The following SASH1 variants were observed in gnomAD, a reference collection of about 807,000 sequenced individuals.
The protein encoded by SASH1 is SAM and SH3 domain-containing protein 1.
In SASH1, 44 loss-of-function variants were observed where a neutral mutation model predicts 125.2. The ratio of observed to expected loss-of-function variants is 0.35; its 90% CI spans 0.28 to 0.45. The LOEUF (loss-of-function observed/expected upper bound fraction) is 0.45. SASH1 is among the 20% of genes least tolerant of loss of function. SASH1 has a pLI of 1.00. For missense variants in SASH1, 1,426 were observed against 1,614.5 expected (o/e 0.88, Z 2.00); for synonymous variants, 639 against 649.1 (o/e 0.98, Z 0.24).
intron 8 of SASH1, chr6:148,512,544 C>T (rs1780207852): frequency 1.0e-6 from 1 of 985,144 alleles, no homozygotes; most frequent in African/African-American, 1.7e-5. Flanking sequence ...ACCATTTCAT[C>T]ACATGTCAAC....
intron 10 of SASH1, among the ~76,000 whole-genome samples, chr6:148,523,196 T>G (rs942276658): frequency 6.6e-6 from 1 of 152,224 alleles, no homozygotes; most frequent in Non-Finnish European, 1.5e-5. Context: ...TGCTGTGGTT[T>G]AAAGCAGGGA....
At chr6:148,362,020 T>C (rs965638182) in intron 1 of SASH1, among the ~76,000 whole-genome samples, 1 of 150,148 alleles carries the variant, frequency 6.7e-6, no homozygotes, top group Admixed American at 6.6e-5. Context: ...TTCATGCCAT[T>C]CTCCTGCCTC....
At chr6:148,518,815 C>T (rs1780622599) in intron 9 of SASH1, among the ~76,000 whole-genome samples, 1 of 152,212 alleles carries the variant, frequency 6.6e-6, no homozygotes, top group Admixed American at 6.5e-5. Context: ...CACCTGGCTC[C>T]AGTGAGGGCT....
chr6:148,253,177 CA>C, the SASH1 span, among the ~76,000 whole-genome samples: 3 of 152,156 alleles, frequency 2.0e-5, no homozygotes, highest in African/African-American at 7.2e-5. Flanking sequence ...TTTCTTATTT[CA>C]AAACTTACTA....
intron 1 of SASH1, among the ~76,000 whole-genome samples, chr6:148,382,148 G>A (rs1377702909): frequency 6.6e-6 from 1 of 152,124 alleles, no homozygotes; most frequent in Non-Finnish European, 1.5e-5. Context: ...CTGAAGGTTG[G>A]TGTAGGATGC....
At chr6:148,249,597 C>T in the SASH1 span, among the ~76,000 whole-genome samples, 3 of 152,306 alleles carry the variant, frequency 2.0e-5, no homozygotes, top group African/African-American at 4.8e-5. Flanking sequence ...TACCTCCCTA[C>T]GCCTCAGTTA....
intron 1 of SASH1, among the ~76,000 whole-genome samples, chr6:148,312,334 T>C: frequency 6.6e-6 from 1 of 152,304 alleles, no homozygotes; most frequent in African/African-American, 2.4e-5. Context: ...CTCTAGATAG[T>C]ACTTAGTCAT....
chr6:148,342,568 G>C (rs1278342664), upstream of SASH1: 2 of 152,174 alleles, frequency 1.3e-5, no homozygotes, highest in African/African-American at 2.4e-5. Context: ...TCGAGGGAGA[G>C]AGTCATGTGG....
the SASH1 span, among the ~76,000 whole-genome samples, chr6:148,251,819 C>T: frequency 1.4e-4 from 20 of 143,224 alleles, no homozygotes; most frequent in African/African-American, 5.2e-4. Context: ...TCTCCTAATG[C>T]TATCCCTCCC....
chr6:148,541,882 A>G (rs1365590306), intron 17 of SASH1, among the ~76,000 whole-genome samples: 1 of 152,182 alleles, frequency 6.6e-6, no homozygotes, highest in Non-Finnish European at 1.5e-5. Context: ...TCCCCAAACT[A>G]TATATAATAT....
At chr6:148,436,897 T>G (rs768709128) in intron 2 of SASH1, among the ~76,000 whole-genome samples, 17 of 152,186 alleles carry the variant, frequency 1.1e-4, no homozygotes, top group Non-Finnish European at 1.9e-4. Context: ...TCGGTGTATG[T>G]TAGGGGAGGA....
At chr6:148,358,308 A>G (rs1291088259) in intron 1 of SASH1, among the ~76,000 whole-genome samples, 1 of 152,320 alleles carries the variant, frequency 6.6e-6, no homozygotes, top group East Asian at 1.9e-4. Flanking sequence ...GCCAGAGACC[A>G]ATGAGCAAGT....
intron 8 of SASH1, among the ~76,000 whole-genome samples, chr6:148,492,143 C>A (rs1462428898): frequency 6.6e-6 from 1 of 152,208 alleles, no homozygotes; most frequent in Non-Finnish European, 1.5e-5. Context: ...TTTGTCCATT[C>A]AGAGAAACAG....
intron 1 of SASH1, among the ~76,000 whole-genome samples, chr6:148,361,502 C>T (rs758365550): frequency 1.3e-4 from 20 of 151,908 alleles, no homozygotes; most frequent in South Asian, 6.3e-4. Flanking sequence ...CTCGGGAGGC[C>T]GAGGCCGGAG....
the SASH1 span, among the ~76,000 whole-genome samples, chr6:148,264,031 G>C: frequency 7.2e-5 from 11 of 152,104 alleles, no homozygotes; most frequent in South Asian, 4.2e-4. Context: ...AGCAAGCAAA[G>C]AGCCCCTAGG....
intron 8 of SASH1, among the ~76,000 whole-genome samples, chr6:148,500,242 A>C (rs1033692550): frequency 6.7e-6 from 1 of 149,254 alleles, no homozygotes; most frequent in Non-Finnish European, 1.5e-5. Flanking sequence ...TTCTCCTTTC[A>C]AGATACAGTT....
chr6:148,489,349 A>T (rs1371315155), intron 8 of SASH1, among the ~76,000 whole-genome samples: 1 of 152,146 alleles, frequency 6.6e-6, no homozygotes, highest in Non-Finnish European at 1.5e-5. Context: ...TGCTAGTACA[A>T]TGCTGTTTTG....
At chr6:148,362,181 C>T (rs1212497081) in intron 1 of SASH1, among the ~76,000 whole-genome samples, 4 of 151,216 alleles carry the variant, frequency 2.6e-5, no homozygotes. Flanking sequence ...CCCACCTTGG[C>T]CTCCCAAAGT....
At position 148,441,182 on chromosome 6, in the gene SASH1, G is replaced by A. The variant is rs183123149; in HGVS notation, c.386+775G>A. Among the ~76,000 whole-genome samples the A allele has an allele frequency of 7.8e-4, 119 of 152,298 alleles. No homozygotes were observed. The East Asian group carries it at 0.016, about 21-fold the overall frequency. On this transcript the variant is annotated intron_variant, in intron 4 of 19. Coordinates refer to ENST00000367467, the MANE Select transcript of SASH1 (RefSeq NM_015278.5). ...TCCTTTGGCACGGAGCCACTTGTAC[G>A]TTCATGCCAAGGGAGGCACAGAAGT... is the stretch of plus-strand genomic sequence containing the variant.
Sources: allele counts gnomAD v4.1 joint callset (sites outside exome capture counted in the v4.1 genomes callset), GRCh38; gene constraint gnomAD v4.1.1; transcripts MANE v1.5; gene names NCBI Gene and HGNC (gene_info 2026-07-23, HGNC 2026-07-21).